The following TSR3 variants were observed in gnomAD, a reference collection of about 807,000 sequenced individuals.
The protein encoded by TSR3 is 18S rRNA aminocarboxypropyltransferase.
A neutral mutation model predicts 28.1 loss-of-function variants in TSR3; 31 were observed. The ratio of observed to expected loss-of-function variants is 1.10; its 90% CI spans 0.83 to 1.49. TSR3 has a LOEUF of 1.49. Among genes scored for constraint, TSR3 ranks in the 40% most tolerant of loss-of-function variants. TSR3 has a pLI of 0.00. For missense variants in TSR3, 511 were observed against 444.0 expected (o/e 1.15, Z -1.36); for synonymous variants, 219 against 197.2 (o/e 1.11, Z -0.93).
intron 3 of TSR3, 72 bp downstream of exon 3, chr16:1,350,735 A>C (rs1164747801): frequency 2.6e-6 from 4 of 1,528,814 alleles, no homozygotes; most frequent in Non-Finnish European, 3.6e-6. Flanking sequence ...TGTCGGCAGG[A>C]AACATGATGC....
chr16:1,351,824 G>A lies in TSR3; in HGVS notation c.-20C>T, dbSNP rs1454287151. 7.7e-7 allele frequency: 1 copy of A among 1,302,490 alleles called. No homozygotes were observed. The highest frequency in any genetic ancestry group is 9.7e-7 in the Non-Finnish European group (1 of 1,030,408). 80.7% of individuals were successfully genotyped at this position (1,302,490 alleles called of 1,614,324 possible). A position where few individuals can be genotyped will look rare whatever the true frequency, so the allele number is the denominator to read the frequency against. The stretch of plus-strand genomic sequence containing the variant: ...GCCCATGGCGCGGACCTGGGGTGCC[G>A]GGGACTCCCCACCCCACGGCCGCGC... On this transcript the variant is annotated 5_prime_UTR_variant, in exon 1 of 6. Coordinates refer to ENST00000007390, the MANE Select transcript of TSR3 (RefSeq NM_001001410.3).
rs1453231782 is a variant in TSR3 at position 1,351,687 on chromosome 16, G to A, written c.112+6C>T. ...TGACCCGCTCTCCCCATCACGCCTCGCTCACCCTGCAGCGCGGCGCCGACC... is the reference window on the plus strand; with the variant it reads ...TGACCCGCTCTCCCCATCACGCCTCACTCACCCTGCAGCGCGGCGCCGACC... On this transcript the variant is annotated splice_donor_region_variant and intron_variant, in intron 1 of 5. Coordinates refer to ENST00000007390, the MANE Select transcript of TSR3 (RefSeq NM_001001410.3). 10 of 1,384,762 alleles carry A rather than the reference G, an allele frequency of 7.2e-6. 1 individual carries two copies. In the South Asian group the frequency reaches 1.6e-4, roughly 22 times the overall value. The allele number at this position is 1,384,762 out of a possible 1,614,324, so 85.8% of individuals were successfully genotyped here.
chr16:1,350,681 T>C (rs576578291), intron 3 of TSR3, 126 bp downstream of exon 3: 2 of 1,151,486 alleles, frequency 1.7e-6, no homozygotes, highest in African/African-American at 3.1e-5. Context: ...CCGTGGTCTG[T>C]CTGAACTGTT....
In TSR3 at chr16:1,349,529, A is replaced by C. The variant is rs773165987; in HGVS notation, c.847T>G (p.Cys283Gly). 5 of 1,613,336 alleles carry C rather than the reference A, an allele frequency of 3.1e-6. No individual in the cohort carries two copies. Among genetic ancestry groups the C allele is most frequent in the Non-Finnish European group, 4.2e-6 (5 of 1,179,984 alleles). ...CCCTGCGTCTGCTCCTCTTCACAGC[A>C]GCTGCTGCTGGCTCCTCCGCGCTCG... ...GAERGGASSS[C>G]CEEEQTQGRG... The change falls in exon 6 of 6, where the codon TGC becomes GGC. Residue 283 changes from cysteine (C) to glycine (G), a missense_variant. Cys to Gly is a radical substitution (Grantham distance 159). Transcript: ENST00000007390.
intron 4 of TSR3, 47 bp downstream of exon 4, chr16:1,350,010 AC>A: frequency 6.2e-7 from 1 of 1,609,182 alleles, no homozygotes; most frequent in African/African-American, 1.3e-5. Flanking sequence ...CAGGCCTCCC[AC>A]CCCCCAGGCT....
At position 1,351,539 on chromosome 16, in the gene TSR3, A is replaced by G; in HGVS notation, c.172T>C (p.Cys58Arg). ...EGGPGPAALPCTLAMWELGHC... is the reference protein window; with the variant it reads ...EGGPGPAALPRTLAMWELGHC... ...CCCAACTCCCACATGGCCAGCGTGC[A>G]GGGCAGCGCCGCCGGGCCCGGGCCG... Residue 58 changes from cysteine (C) to arginine (R), a missense_variant, in exon 2 of 6, where the codon TGC (cysteine) becomes CGC (arginine). Coordinates refer to ENST00000007390, the MANE Select transcript of TSR3 (RefSeq NM_001001410.3). 6.7e-7 allele frequency: 1 copy of G among 1,482,950 alleles called. No homozygotes were observed. The highest frequency in any genetic ancestry group is 2.9e-5 in the East Asian group (1 of 34,822). The allele number at this position is 1,482,950 out of a possible 1,614,324, so 91.9% of individuals were successfully genotyped here. A position where few individuals can be genotyped will look rare whatever the true frequency, so the allele number is the denominator to read the frequency against.
rs1352330288 is a variant in TSR3, at chr16:1,350,119, C to T, written c.642G>A (p.Val214=). 6.2e-7 allele frequency: 1 copy of T among 1,611,544 alleles called. No homozygotes were observed. Among genetic ancestry groups the T allele is most frequent in the Non-Finnish European group, 8.5e-7 (1 of 1,178,916 alleles). The change falls in exon 4 of 6, where the codon GTG becomes GTA. Residue 214 remains valine (V), a synonymous_variant. Transcript: ENST00000007390. ...CCAAGAACTCCTGCTCCGCCTGCAG[C>T]ACCTCCTCCGGGCTGCCGCAGGCCG... ...KYAACGSPEE[V]LQAEQEFLAN...
chr16:1,350,785 G>C, intron 3 of TSR3, 22 bp downstream of exon 3: 1 of 1,605,620 alleles, frequency 6.2e-7, no homozygotes, highest in Non-Finnish European at 8.5e-7. Context: ...GGGTCACACT[G>C]CTGTGGGGCC....
In TSR3 at chr16:1,351,362, A is replaced by G. The variant is rs1235274822; in HGVS notation, c.332+17T>C. The G allele has an allele frequency of 3.3e-5, 52 of 1,568,618 alleles. No individual in the cohort carries two copies. The highest frequency in any genetic ancestry group is 4.4e-5 in the Non-Finnish European group (51 of 1,165,654). Reference sequence around the variant, plus strand: ...GCTGGAAATGAAGACGACCTCGGGCAGGCCTCCCGCGCCTACCTGTCTGCG... The same window carrying G: ...GCTGGAAATGAAGACGACCTCGGGCGGGCCTCCCGCGCCTACCTGTCTGCG... On this transcript the variant is annotated intron_variant, in intron 2 of 5. Coordinates refer to ENST00000007390, the MANE Select transcript of TSR3 (RefSeq NM_001001410.3).
rs1171837461 is a variant in TSR3 at position 1,349,364 on chromosome 16, AGGCCC to A, written c.*68_*72del. The A allele has an allele frequency of 5.1e-6, 8 of 1,559,546 alleles. No homozygotes were observed. In the South Asian group the frequency reaches 8.9e-5, roughly 17 times the overall value. On this transcript the variant is annotated 3_prime_UTR_variant, in exon 6 of 6. Transcript: ENST00000007390. ...GCAGCCGCAAAGAGCCGAGGCTGCC[AGGCCC>A]ATTTATGTCCCTCATGTCTCTAGAT...
At chr16:1,349,996 G>A (rs1339953575) in intron 4 of TSR3, 44 bp from the exon 5 acceptor site, 1 of 1,612,300 alleles carries the variant, frequency 6.2e-7, no homozygotes, top group South Asian at 1.1e-5. Context: ...GCTCAGAGCA[G>A]GACCAGGCCT....
rs776889227 is a variant in TSR3, at chr16:1,349,387, C to G, written c.*50G>C. On this transcript the variant is annotated 3_prime_UTR_variant, in exon 6 of 6. Coordinates refer to ENST00000007390, the MANE Select transcript of TSR3 (RefSeq NM_001001410.3). ...CCAGGCCCATTTATGTCCCTCATGT[C>G]TCTAGATTTTCTCGTCACCCAGCCT... 3 of 1,608,296 alleles carry G rather than the reference C, an allele frequency of 1.9e-6. No homozygotes were observed. Among genetic ancestry groups the G allele is most frequent in the African/African-American group, 1.3e-5 (1 of 74,854 alleles).
At chr16:1,349,991 G>C in intron 4 of TSR3, 39 bp from the exon 5 acceptor site, 2 of 1,612,718 alleles carry the variant, frequency 1.2e-6, no homozygotes, top group South Asian at 1.1e-5. Context: ...AGTGAGCTCA[G>C]AGCAGGACCA....
At chr16:1,350,635 C>G (rs886585702) in intron 3 of TSR3, among the ~76,000 whole-genome samples, 172 bp downstream of exon 3, 1 of 152,198 alleles carries the variant, frequency 6.6e-6, no homozygotes, top group African/African-American at 2.4e-5. Context: ...TGCAACTCCA[C>G]AGGCCGAAAA....
rs202221917 is a variant in TSR3 at position 1,349,554 on chromosome 16, G to A, written c.822C>T (p.Ala274=). Residue 274 remains alanine (A), a synonymous_variant, in exon 6 of 6, where the codon GCC becomes GCT. Transcript: ENST00000007390. The part of the protein sequence containing the change: ...SDASEDPGPG[A]ERGGASSSCC... The stretch of plus-strand genomic sequence containing the variant: ...AGCTGCTGCTGGCTCCTCCGCGCTC[G>A]GCGCCAGGCCCTGGGTCCTCAGACG... 9.1e-5 allele frequency: 147 copies of A among 1,612,896 alleles called. No individual in the cohort carries two copies. Among genetic ancestry groups the A allele is most frequent in the Non-Finnish European group, 1.2e-4 (138 of 1,179,936 alleles).
rs1368270037 is a variant in TSR3 at position 1,350,109 on chromosome 16, C to T, written c.652G>A (p.Glu218Lys). ...CGSPEEVLQA[E>K]QEFLANAKES... is the part of the protein sequence containing the mutation. ...TTGGCATTGGCCAAGAACTCCTGCT[C>T]CGCCTGCAGCACCTCCTCCGGGCTG... The change falls in exon 4 of 6, where the codon GAG becomes AAG. Residue 218 changes from glutamate (E) to lysine (K), a missense_variant. Glu to Lys is a moderately conservative substitution (Grantham distance 56, BLOSUM62 1). Transcript: ENST00000007390. 2.5e-6 allele frequency: 4 copies of T among 1,611,056 alleles called. No individual in the cohort carries two copies. The highest frequency in any genetic ancestry group is 2.7e-5 in the African/African-American group (2 of 74,906).
rs774910627 is a variant in TSR3 at position 1,350,834 on chromosome 16, C to T, written c.499G>A (p.Ala167Thr). 1 of 1,613,004 alleles carries T rather than the reference C, an allele frequency of 6.2e-7. No homozygotes were observed. Among genetic ancestry groups the T allele is most frequent in the Non-Finnish European group, 8.5e-7 (1 of 1,179,940 alleles). ...GRPYRLSCVE[A>T]FAATFCIVGF... Reference sequence around the variant, plus strand: ...ACGATGCAGAAGGTGGCAGCAAACGCTTCCACGCAGGAAAGTCTGTAGGGC... The same window carrying T: ...ACGATGCAGAAGGTGGCAGCAAACGTTTCCACGCAGGAAAGTCTGTAGGGC... Residue 167 changes from alanine (A) to threonine (T), a missense_variant, in exon 3 of 6, where the codon GCG becomes ACG. Ala to Thr is a moderately conservative substitution (Grantham distance 58). Transcript: ENST00000007390.
At position 1,350,921 on chromosome 16, in the gene TSR3, G is replaced by T; in HGVS notation, c.412C>A (p.Arg138=). The change falls in exon 3 of 6, where the codon CGA becomes AGA. Residue 138 remains arginine (R), a synonymous_variant. Coordinates refer to ENST00000007390, the MANE Select transcript of TSR3 (RefSeq NM_001001410.3). ...GGCAACAGGCGCAAGTGGCTCCCTC[G>T]CATCTTCCCAAACGGTGTCTCGTCC... ...RLDETPFGKM[R]GSHLRLLPYL... 2 of 1,612,924 alleles carry T rather than the reference G, an allele frequency of 1.2e-6. No individual in the cohort carries two copies. The highest frequency in any genetic ancestry group is 1.7e-6 in the Non-Finnish European group (2 of 1,180,012).
At chr16:1,350,582 A>G (rs1472746406) in intron 3 of TSR3, among the ~76,000 whole-genome samples, 1 of 152,180 alleles carries the variant, frequency 6.6e-6, no homozygotes, top group Non-Finnish European at 1.5e-5. Flanking sequence ...ATGGCACCCC[A>G]CACACCGGCC....
Sources: allele counts gnomAD v4.1 joint callset (sites outside exome capture counted in the v4.1 genomes callset), GRCh38; gene constraint gnomAD v4.1.1; transcripts MANE v1.5; gene names NCBI Gene and HGNC (gene_info 2026-07-23, HGNC 2026-07-21).